Variants in ZNF143 observed in about 807,000 individuals in gnomAD.
The protein encoded by ZNF143 is zinc finger protein 143, also known as SPH-binding factor.
In ZNF143, 49 loss-of-function variants were observed where a neutral mutation model predicts 74.1. The observed-to-expected ratio is 0.66, with a 90% CI of 0.53 to 0.84. The LOEUF (loss-of-function observed/expected upper bound fraction) is 0.84. Ranked by LOEUF, ZNF143 falls within the 40% of genes least tolerant of loss-of-function variation. The probability of loss-of-function intolerance (pLI) is 0.00; values close to 1 mark genes in which losing one functional copy is unlikely to be tolerated. For synonymous variants in ZNF143, 304 were observed against 282.8 expected (o/e 1.07, Z -0.75); for missense variants, 637 against 793.4 (o/e 0.80, Z 2.37).
intron 11 of ZNF143, among the ~76,000 whole-genome samples, chr11:9,506,343 G>GAA (rs768724426): frequency 1.3e-5 from 2 of 152,050 alleles, no homozygotes; most frequent in Admixed American, 6.6e-5. Context: ...AAAAAGAAAA[G>GAA]AAAAAAGCAA....
rs1590557638 is a variant in ZNF143 at position 9,486,437 on chromosome 11, A to AT, written c.645+6892dup. Among the ~76,000 whole-genome samples, 76 of 45,508 alleles carry AT rather than the reference A, an allele frequency of 1.7e-3. 4 individuals carry two copies. The highest frequency in any genetic ancestry group is 2.8e-3 in the Non-Finnish European group (62 of 22,252). 29.9% of individuals were successfully genotyped at this position (45,508 alleles called of 152,430 possible). A position where few individuals can be genotyped will look rare whatever the true frequency, so the allele number is the denominator to read the frequency against. The stretch of plus-strand genomic sequence containing the variant: ...AATATATATTATATATATTATATAT[A>AT]TAATATATTATATATATTATATATA... On this transcript the variant is annotated intron_variant, in intron 7 of 15. Coordinates refer to ENST00000396602, the MANE Select transcript of ZNF143 (RefSeq NM_003442.6).
chr11:9,491,451 A>G (rs1004024796), intron 7 of ZNF143, among the ~76,000 whole-genome samples: 1 of 152,010 alleles, frequency 6.6e-6, no homozygotes, highest in Non-Finnish European at 1.5e-5. Context: ...CCTGGCTAAC[A>G]CGGTGAAACC....
At position 9,463,091 on chromosome 11, in the gene ZNF143, TTTATG is replaced by T. The variant is rs368384960; in HGVS notation, c.-8+2020_-8+2024del. 4.8e-3 allele frequency among the ~76,000 whole-genome samples: 733 copies of T among 152,334 alleles called. 8 individuals carry two copies. The highest frequency in any genetic ancestry group is 0.017 in the African/African-American group (707 of 41,574). On this transcript the variant is annotated intron_variant, in intron 1 of 15. Coordinates refer to ENST00000396602, the MANE Select transcript of ZNF143 (RefSeq NM_003442.6). Reference sequence around the variant, plus strand: ...AAGTATGTAGCCTTGTCCAGGGTCATTTATGTTATAACATGTGTCAATACTTTATT... The same window carrying T: ...AAGTATGTAGCCTTGTCCAGGGTCATTTATAACATGTGTCAATACTTTATT...
At chr11:9,478,244 G>T in intron 5 of ZNF143, 146 bp from the exon 6 acceptor site, 1 of 746,396 alleles carries the variant, frequency 1.3e-6, no homozygotes, top group Non-Finnish European at 2.1e-6. Flanking sequence ...TTATTGTGAG[G>T]ATTAAATGAA....
Position 9,521,230 on chromosome 11 carries a change from A to G in ZNF143, c.1687-4010A>G, listed in dbSNP as rs1220241470. Among the ~76,000 whole-genome samples, 5 of 152,222 alleles carry G rather than the reference A, an allele frequency of 3.3e-5. No individual in the cohort carries two copies. In the East Asian group the frequency reaches 9.6e-4, roughly 29 times the overall value. On this transcript the variant is annotated intron_variant, in intron 14 of 15. Coordinates refer to ENST00000396602, the MANE Select transcript of ZNF143 (RefSeq NM_003442.6). ...TATGGGTTTGGACAAACGTATGATGACATACATCTATCAATAGAGGATCAT... is the reference window on the plus strand; with the variant it reads ...TATGGGTTTGGACAAACGTATGATGGCATACATCTATCAATAGAGGATCAT...
At chr11:9,509,674 G>A (rs573589697) in intron 12 of ZNF143, among the ~76,000 whole-genome samples, 3 of 152,330 alleles carry the variant, frequency 2.0e-5, no homozygotes, top group South Asian at 2.1e-4. Flanking sequence ...TTGTTGGAGA[G>A]TAAGGGAAAG....
intron 14 of ZNF143, among the ~76,000 whole-genome samples, chr11:9,524,572 A>G (rs1322295523): frequency 2.6e-5 from 4 of 152,226 alleles, no homozygotes; most frequent in Non-Finnish European, 5.9e-5. Context: ...TTGGCTGAGT[A>G]AAATTTTAGA....
intron 1 of ZNF143, among the ~76,000 whole-genome samples, chr11:9,465,924 A>G (rs1856183876): frequency 6.6e-6 from 1 of 151,674 alleles, no homozygotes; most frequent in Admixed American, 6.6e-5. Context: ...TCCCAGGCCC[A>G]AGTGATCCTC....
chr11:9,486,363 T>TATATATAACATATTATATATATAA (rs1491555379), intron 7 of ZNF143, among the ~76,000 whole-genome samples: 1 of 41,252 alleles, frequency 2.4e-5, no homozygotes, highest in Non-Finnish European at 4.4e-5. Context: ...TATATATATA[T>TATATATAACATATTATATATATAA]TATATATAAT....
chr11:9,521,600 T>G (rs373659637), intron 14 of ZNF143, among the ~76,000 whole-genome samples: 3 of 152,016 alleles, frequency 2.0e-5, no homozygotes, highest in South Asian at 4.1e-4. Flanking sequence ...TGTTGTTGTT[T>G]TTTACTATGG....
chr11:9,511,102 CTTT>C (rs777285359), intron 12 of ZNF143, among the ~76,000 whole-genome samples: 1 of 70,748 alleles, frequency 1.4e-5, no homozygotes, highest in African/African-American at 5.6e-5. Flanking sequence ...TTAACAGCTT[CTTT>C]TTTTTTTTTT....
At chr11:9,523,890 A>C (rs1257532581) in intron 14 of ZNF143, among the ~76,000 whole-genome samples, 2 of 149,758 alleles carry the variant, frequency 1.3e-5, no homozygotes, top group African/African-American at 4.9e-5. Context: ...TCTACTAAAA[A>C]TACAAAAATT....
intron 1 of ZNF143, among the ~76,000 whole-genome samples, chr11:9,470,148 A>C (rs565365420): frequency 8.1e-4 from 124 of 152,292 alleles, no homozygotes; most frequent in African/African-American, 2.9e-3. Flanking sequence ...CCACAGAGGT[A>C]AGGAGACCTG....
intron 13 of ZNF143, among the ~76,000 whole-genome samples, chr11:9,513,986 G>C (rs1168593828): frequency 6.6e-6 from 1 of 152,196 alleles, no homozygotes; most frequent in African/African-American, 2.4e-5. Context: ...GTCCCACTCT[G>C]TTGCCCAGGG....
At chr11:9,474,812 C>T (rs1387843468) in intron 5 of ZNF143, among the ~76,000 whole-genome samples, 179 bp downstream of exon 5, 2 of 152,212 alleles carry the variant, frequency 1.3e-5, no homozygotes, top group African/African-American at 2.4e-5. Context: ...TTTGAGCTGT[C>T]CAGTGACAAG....
chr11:9,498,414 C>T (rs147943364), intron 10 of ZNF143, among the ~76,000 whole-genome samples: 1 of 152,104 alleles, frequency 6.6e-6, no homozygotes, highest in Non-Finnish European at 1.5e-5. Context: ...AATTAGTAGC[C>T]GAGCTGAGAC....
intron 7 of ZNF143, among the ~76,000 whole-genome samples, chr11:9,493,301 AC>A (rs1287599172): frequency 6.6e-6 from 1 of 151,886 alleles, no homozygotes; most frequent in Non-Finnish European, 1.5e-5. Context: ...CGATCTCTTG[AC>A]CTTGTGACCC....
chr11:9,482,564 C>T (rs1208952577), intron 7 of ZNF143, among the ~76,000 whole-genome samples: 1 of 151,602 alleles, frequency 6.6e-6, no homozygotes, highest in Admixed American at 6.6e-5. Context: ...GCCAGCGCAC[C>T]CGGCCAAAAA....
At chr11:9,500,630 T>G (rs1012467723) in intron 10 of ZNF143, among the ~76,000 whole-genome samples, 1 of 152,110 alleles carries the variant, frequency 6.6e-6, no homozygotes, top group East Asian at 1.9e-4. Flanking sequence ...AGAAAGGGTT[T>G]CACCATGTTG....
Sources: gnomAD v4.1 joint callset for allele counts (sites outside exome capture counted in the v4.1 genomes callset) on GRCh38, gnomAD v4.1.1 for gene constraint, MANE v1.5 for transcripts, NCBI Gene and HGNC (gene_info 2026-07-23, HGNC 2026-07-21) for gene names.